The following PARP10 variants were observed in gnomAD, a reference collection of about 807,000 sequenced individuals.
PARP10 encodes protein mono-ADP-ribosyltransferase PARP10.
PARP10 carries 56 observed loss-of-function variants against 82.4 expected under a neutral mutation model. That is an observed-to-expected ratio of 0.68 (90% confidence interval 0.55 to 0.85). PARP10 has a LOEUF of 0.85. Among genes scored for constraint, PARP10 ranks in the 40% least tolerant of loss-of-function variants. The probability of loss-of-function intolerance (pLI) is 0.00; values close to 1 mark genes in which losing one functional copy is unlikely to be tolerated. For synonymous variants in PARP10, 576 were observed against 601.1 expected, an observed-to-expected ratio of 0.96 and a Z score of 0.61; for missense variants, 1,227 against 1,379.4, an observed-to-expected ratio of 0.89 and a Z score of 1.75.
intron 1 of PARP10, among the ~76,000 whole-genome samples, chr8:144,003,889 G>A (rs556003495): frequency 6.7e-4 from 102 of 151,948 alleles, no homozygotes; most frequent in African/African-American, 2.1e-3. Context: ...TTTTTAATTA[G>A]TCAGGTGTGG....
chr8:143,985,732 A>G lies in PARP10; in HGVS notation c.425T>C (p.Leu142Pro). Reference sequence around the variant, plus strand: ...ACCCTGCCTCTCACCTGCCTCAGAAAGGGGCTTGGGCAACTGGACCAGAGC... The same window carrying G: ...ACCCTGCCTCTCACCTGCCTCAGAAGGGGGCTTGGGCAACTGGACCAGAGC... ...DRALVQLPKP[L>P]SEADVRVLEE... is the part of the protein sequence containing the mutation. The change falls in exon 3 of 11, where the codon CTT becomes CCT. Residue 142 changes from leucine (L) to proline (P), a missense_variant. Transcript: ENST00000313028. The G allele has an allele frequency of 6.2e-7, 1 of 1,605,646 alleles. No homozygotes were observed. The highest frequency in any genetic ancestry group is 8.5e-7 in the Non-Finnish European group (1 of 1,175,228).
At position 143,983,598 on chromosome 8, in the gene PARP10, A is replaced by T; in HGVS notation, c.1991T>A (p.Leu664Gln). ...AALQLALHRS[L>Q]EPQGQVAEQE... Reference sequence around the variant, plus strand: ...CTCAGCCACCTGACCTTGAGGCTCCAGTGACCGGTGGAGGGCCAGCTGCAG... The same window carrying T: ...CTCAGCCACCTGACCTTGAGGCTCCTGTGACCGGTGGAGGGCCAGCTGCAG... Residue 664 changes from leucine (L) to glutamine (Q), a missense_variant, in exon 8 of 11, where the codon CTG becomes CAG. Transcript: ENST00000313028. 6.2e-7 allele frequency: 1 copy of T among 1,605,138 alleles called. No homozygotes were observed. The highest frequency in any genetic ancestry group is 8.5e-7 in the Non-Finnish European group (1 of 1,175,792).
chr8:143,978,121 A>G (rs1554746883), intron 9 of PARP10, 40 bp from the exon 10 acceptor site: 12 of 1,459,092 alleles, frequency 8.2e-6, no homozygotes, highest in African/African-American at 1.4e-5. Flanking sequence ...CACCCTCCCT[A>G]CGCCCTGGGG....
In PARP10 at chr8:143,983,693, T is replaced by C. The variant is rs1336744271; in HGVS notation, c.1896A>G (p.Pro632=). ...CCACAGGCTCCTCCTCCTCATGCCC[T>C]GGGGTCACCTCCTCCTCTGGCTGCT... ...PQEQPEEEVT[P]GHEEEEPVAP... The change falls in exon 8 of 11, where the codon CCA becomes CCG. Residue 632 remains proline (P), a synonymous_variant. Coordinates refer to ENST00000313028, the MANE Select transcript of PARP10 (RefSeq NM_032789.5). 6.2e-7 allele frequency: 1 copy of C among 1,609,214 alleles called. No individual in the cohort carries two copies. Among genetic ancestry groups the C allele is most frequent in the Non-Finnish European group, 8.5e-7 (1 of 1,177,536 alleles).
At chr8:144,012,546 C>T (rs1476553229) in exon 1 of PARP10, 21 of 1,551,636 alleles carry the variant, frequency 1.4e-5, no homozygotes, top group Admixed American at 1.2e-4. Context: ...TGAAGGGCTT[C>T]GGCATCAGAT....
At chr8:143,978,138 C>G (rs560347684) in intron 9 of PARP10, 57 bp from the exon 10 acceptor site, 1 of 1,438,098 alleles carries the variant, frequency 7.0e-7, no homozygotes, top group East Asian at 2.5e-5. Context: ...GGGGCCGACG[C>G]AGGGCAGAGC....
At chr8:143,982,464 A>T (rs1310519352) in intron 9 of PARP10, among the ~76,000 whole-genome samples, 1 of 152,010 alleles carries the variant, frequency 6.6e-6, no homozygotes, top group Non-Finnish European at 1.5e-5. Context: ...ACACAGCGAG[A>T]TGCCGTCTCA....
At chr8:143,984,463 G>C in intron 5 of PARP10, 32 bp from the exon 6 acceptor site, 1 of 1,597,116 alleles carries the variant, frequency 6.3e-7, no homozygotes, top group South Asian at 1.1e-5. Context: ...GGAGTTTGCA[G>C]GTTTAGAGCA....
Position 144,007,120 on chromosome 8 carries a change from G to A in PARP10, c.-80+5410C>T, listed in dbSNP as rs185082655. Among the ~76,000 whole-genome samples the A allele has an allele frequency of 4.6e-5, 7 of 152,322 alleles. No homozygotes were observed. The East Asian group carries it at 5.8e-4, about 13-fold the overall frequency. On this transcript the variant is annotated intron_variant, in intron 1 of 3. Coordinates refer to the PARP10 transcript ENST00000530478. ...AGAAGTTAGCAAGGCTCCAAAGCCC[G>A]ACAAAGCCCTCCCGGTCTCTGTCCC... is the stretch of plus-strand genomic sequence containing the variant.
At chr8:143,995,476 C>T (rs200816586), upstream of PARP10, among the ~76,000 whole-genome samples, 13 of 152,298 alleles carry the variant, frequency 8.5e-5, no homozygotes, top group African/African-American at 3.1e-4. Context: ...GAAATGAGTC[C>T]GAGTACGTGG....
rs138890034 is a variant in PARP10, at chr8:144,011,032, T to C, written c.-80+1498A>G. ...TCTTGTAGCTATTAATCACGTCTATTAGACGTCTAATAGACGTGATTAATA... is the reference window on the plus strand; with the variant it reads ...TCTTGTAGCTATTAATCACGTCTATCAGACGTCTAATAGACGTGATTAATA... On this transcript the variant is annotated intron_variant, in intron 1 of 3. Coordinates refer to the PARP10 transcript ENST00000530478. This position sits in a 1 kb window ranked among gnomAD's most constrained non-coding sequence, Gnocchi z 4.5. 1.6e-3 allele frequency among the ~76,000 whole-genome samples: 249 copies of C among 151,972 alleles called. 2 individuals are homozygous for C. In the East Asian group the frequency reaches 0.04, roughly 24 times the overall value.
At chr8:144,005,308 C>G (rs1357210674) in intron 1 of PARP10, among the ~76,000 whole-genome samples, 1 of 151,986 alleles carries the variant, frequency 6.6e-6, no homozygotes, top group African/African-American at 2.4e-5. Context: ...AGCAAGGAGG[C>G]CTGGAATTTA....
Position 143,983,743 on chromosome 8 carries a change from C to G in PARP10, c.1846G>C (p.Glu616Gln). The G allele has an allele frequency of 6.2e-7, 1 of 1,612,286 alleles. No homozygotes were observed. Among genetic ancestry groups the G allele is most frequent in the Non-Finnish European group, 8.5e-7 (1 of 1,179,310 alleles). Residue 616 changes from glutamate (E) to glutamine (Q), a missense_variant, in exon 8 of 11, where the codon GAG becomes CAG. Glu to Gln is a conservative substitution (Grantham distance 29). Coordinates refer to ENST00000313028, the MANE Select transcript of PARP10 (RefSeq NM_032789.5). ...TCCTGAGGCCCTTCCTCCTCCAGCT[C>G]CCGAGGCAGCCAGTCCTCCCCGTCT... Reference protein sequence around the residue: ...DLDGEDWLPRELEEEGPQEQP... With the variant: ...DLDGEDWLPRQLEEEGPQEQP...
At chr8:143,991,311 C>T (rs1291779168), upstream of PARP10, 11 of 1,395,438 alleles carry the variant, frequency 7.9e-6, no homozygotes, top group South Asian at 2.7e-5. Context: ...GCCACCCATG[C>T]CCCCCTATGC....
intron 1 of PARP10, among the ~76,000 whole-genome samples, chr8:144,001,479 GGCGGACCACTTGA>G: frequency 1.3e-5 from 2 of 152,300 alleles, no homozygotes; most frequent in South Asian, 4.1e-4. Context: ...GGCCGAGGCA[GGCGGACCACTTGA>G]GGTCAGGAGT....
In PARP10 at chr8:143,986,201, G is replaced by C; in HGVS notation, c.35C>G (p.Ala12Gly). 6.2e-7 allele frequency: 1 copy of C among 1,613,706 alleles called. No homozygotes were observed. The highest frequency in any genetic ancestry group is 8.5e-7 in the Non-Finnish European group (1 of 1,179,864). ...AGGGGGCAGTCCACGGACCTCCACT[G>C]CCACCCCTGCCTCTGCCTCCGCCAT... ...VAMAEAEAGVAVEVRGLPPAV... is the reference protein window; with the variant it reads ...VAMAEAEAGVGVEVRGLPPAV... Residue 12 changes from alanine to glycine, a missense_variant, in exon 2 of 11, where the codon GCA becomes GGA. Ala to Gly is a moderately conservative substitution (Grantham distance 60). Coordinates refer to ENST00000313028, the MANE Select transcript of PARP10 (RefSeq NM_032789.5).
At position 143,977,410 on chromosome 8, in the gene PARP10, T is replaced by G; in HGVS notation, c.*74A>C. 1.2e-5 allele frequency: 16 copies of G among 1,322,408 alleles called. No individual in the cohort carries two copies. The highest frequency in any genetic ancestry group is 3.0e-5 in the African/African-American group (2 of 67,488). 81.9% of individuals were successfully genotyped at this position (1,322,408 alleles called of 1,614,324 possible). ...CCGGGGACAGCTCAGGCGGCCACAGTTGGGGGCGGGGAGCATCAGCCTGTG... is the reference window on the plus strand; with the variant it reads ...CCGGGGACAGCTCAGGCGGCCACAGGTGGGGGCGGGGAGCATCAGCCTGTG... On this transcript the variant is annotated 3_prime_UTR_variant, in exon 11 of 11. Coordinates refer to ENST00000313028, the MANE Select transcript of PARP10 (RefSeq NM_032789.5).
Position 143,977,387 on chromosome 8 carries a change from G to A in PARP10, c.*97C>T. 1 of 1,197,930 alleles carries A rather than the reference G, an allele frequency of 8.3e-7. No individual in the cohort carries two copies. The highest frequency in any genetic ancestry group is 1.1e-6 in the Non-Finnish European group (1 of 880,092). 74.2% of individuals were successfully genotyped at this position (1,197,930 alleles called of 1,614,324 possible). ...CGCAGAGGGAGGCAGGGGCGTCCCC[G>A]GGGACAGCTCAGGCGGCCACAGTTG... On this transcript the variant is annotated 3_prime_UTR_variant, in exon 11 of 11. Coordinates refer to ENST00000313028, the MANE Select transcript of PARP10 (RefSeq NM_032789.5).
chr8:143,978,281 G>A (rs1172688932), intron 9 of PARP10, among the ~76,000 whole-genome samples, 200 bp from the exon 10 acceptor site: 1 of 152,148 alleles, frequency 6.6e-6, no homozygotes, highest in African/African-American at 2.4e-5. Context: ...GGGCCGCTGG[G>A]GAGGCCTGAC....
Sources: gnomAD v4.1 joint callset for allele counts (sites outside exome capture counted in the v4.1 genomes callset) on GRCh38, gnomAD v4.1.1 for gene constraint, Gnocchi (gnomAD v3.1) non-coding constraint, MANE v1.5 for transcripts, NCBI Gene and HGNC (gene_info 2026-07-23, HGNC 2026-07-21) for gene names.